NODAL: variants seen among roughly 807,000 people sequenced by gnomAD.
NODAL encodes the protein nodal homolog.
Under a neutral mutation model 34.0 loss-of-function variants are expected in NODAL, and 12 were observed. The observed-to-expected ratio is 0.35, with a 90% confidence interval of 0.23 to 0.57. NODAL has a LOEUF of 0.57. NODAL is among the 20% of genes least tolerant of loss of function. The pLI is 0.83. For missense variants in NODAL, 390 were observed against 444.2 expected (o/e 0.88, Z 1.10); for synonymous variants, 162 against 186.4 (o/e 0.87, Z 1.07).
At chr10:70,441,767 A>C, upstream of NODAL, 1 of 1,280,694 alleles carries the variant, frequency 7.8e-7, no homozygotes, top group African/African-American at 1.5e-5. Context: ...GGAAGCTTTA[A>C]GATCATATAA....
At position 70,441,444 on chromosome 10, in the gene NODAL, C is replaced by T. The variant is rs569500966; in HGVS notation, c.193+31G>A. 4 of 1,552,318 alleles carry T rather than the reference C, an allele frequency of 2.6e-6. No homozygotes were observed. The Middle Eastern group carries it at 5.6e-4, about 217-fold the overall frequency. ...CGCGGCGGAGGCGCCCCGGGGGTGC[C>T]CAGCAGGGCGCGGCACGCGGCACTG... On this transcript the variant is annotated intron_variant, in intron 1 of 2. Coordinates refer to ENST00000287139, the MANE Select transcript of NODAL (RefSeq NM_018055.5).
chr10:70,437,612 A>G (rs2087843222), intron 1 of NODAL, among the ~76,000 whole-genome samples: 1 of 152,208 alleles, frequency 6.6e-6, no homozygotes, highest in African/African-American at 2.4e-5. Flanking sequence ...ATTAGAAATA[A>G]GACAGGGCAT....
At chr10:70,444,432 T>C (rs1439476709), upstream of NODAL, among the ~76,000 whole-genome samples, 1 of 151,728 alleles carries the variant, frequency 6.6e-6, no homozygotes, top group Non-Finnish European at 1.5e-5. Flanking sequence ...TGGGTTCAAG[T>C]GATTCTCCTG....
rs146471900 is a variant in NODAL at position 70,441,543 on chromosome 10, G to T, written c.125C>A (p.Ala42Glu). 6.3e-7 allele frequency: 1 copy of T among 1,593,044 alleles called. No homozygotes were observed. Among genetic ancestry groups the T allele is most frequent in the Non-Finnish European group, 8.5e-7 (1 of 1,171,318 alleles). Residue 42 changes from alanine (A) to glutamate (E), a missense_variant, in exon 1 of 3, where the codon GCG (alanine) becomes GAG (glutamate). Physicochemically the swap from Ala to Glu is moderately radical, Grantham distance 107 (BLOSUM62 -1). Transcript: ENST00000287139. ...GTCGCGGTAGAGGCTCAGCATGTAC[G>T]CCAGAGGGGATGGCGACGAGGGCTG... is the stretch of plus-strand genomic sequence containing the variant. ...RGQPSSPSPL[A>E]YMLSLYRDPL...
Position 70,434,857 on chromosome 10 carries a change from T to C in NODAL, c.891+429A>G, listed in dbSNP as rs79204637. 4.2e-3 allele frequency: 851 copies of C among 200,576 alleles called. 3 individuals carry two copies. Among genetic ancestry groups the C allele is most frequent in the African/African-American group, 0.019 (802 of 43,000 alleles). 12.4% of individuals were successfully genotyped at this position (200,576 alleles called of 1,614,324 possible). On this transcript the variant is annotated intron_variant, in intron 2 of 2. Transcript: ENST00000287139. ...GAAATATGGCATTGCCCTCCTCATC[T>C]TACAGGTGGAAAAACTGAAGCTTGA...
At position 70,436,823 on chromosome 10, in the gene NODAL, C is replaced by T. The variant is rs1845363108; in HGVS notation, c.194-840G>A. On this transcript the variant is annotated intron_variant, in intron 1 of 2. Transcript: ENST00000287139. Reference sequence around the variant, plus strand: ...ACACACCTGGGGCACACAGCAATCACATGCACCCAGAAGCTTCCAGAAGGC... The same window carrying T: ...ACACACCTGGGGCACACAGCAATCATATGCACCCAGAAGCTTCCAGAAGGC... 3.3e-5 allele frequency among the ~76,000 whole-genome samples: 5 copies of T among 152,304 alleles called. No homozygotes were observed. The South Asian group carries it at 8.3e-4, about 25-fold the overall frequency.
rs113832309 is a variant in NODAL at position 70,437,322 on chromosome 10, C to T, written c.194-1339G>A. On this transcript the variant is annotated intron_variant, in intron 1 of 2. Coordinates refer to ENST00000287139, the MANE Select transcript of NODAL (RefSeq NM_018055.5). The stretch of plus-strand genomic sequence containing the variant: ...CCGGGTGTGGTGGCTCACGCCTAAT[C>T]CCAGCTACTCAGGAAGGCTGAGGCA... Among the ~76,000 whole-genome samples the T allele has an allele frequency of 4.8e-3, 725 of 152,318 alleles. 6 individuals carry two copies. The highest frequency in any genetic ancestry group is 8.8e-3 in the Non-Finnish European group (600 of 68,036).
rs368748141 is a variant in NODAL, at chr10:70,435,622, G to C, written c.555C>G (p.Pro185=). The change falls in exon 2 of 3, where the codon CCC becomes CCG. Residue 185 remains proline, a synonymous_variant. Transcript: ENST00000287139. ...GGAGCACATTGGTGGCAGGCGGTGT[G>C]GGGGGCCGCGGCCAGCACTCTCCAG... The part of the protein sequence containing the change: ...RVAGECWPRP[P]TPPATNVLLM... 3.7e-5 allele frequency: 60 copies of C among 1,613,906 alleles called. 3 individuals carry two copies. In the South Asian group the frequency reaches 6.3e-4, roughly 17 times the overall value.
At chr10:70,433,958 T>C (rs897069338) in intron 2 of NODAL, among the ~76,000 whole-genome samples, 3 of 152,072 alleles carry the variant, frequency 2.0e-5, no homozygotes, top group African/African-American at 7.2e-5. Flanking sequence ...TCTGGGTCTT[T>C]GTGGTGCTCC....
At position 70,441,340 on chromosome 10, in the gene NODAL, C is replaced by T. The variant is rs538979417; in HGVS notation, c.193+135G>A. On this transcript the variant is annotated intron_variant, in intron 1 of 2. Coordinates refer to ENST00000287139, the MANE Select transcript of NODAL (RefSeq NM_018055.5). ...CACCCGCAGAGCTAGGCCCTGGGCT[C>T]GGGACGCCCGGGCGGCTGCAAACCC... is the stretch of plus-strand genomic sequence containing the variant. 2.8e-4 allele frequency: 266 copies of T among 945,070 alleles called. No homozygotes were observed. In the African/African-American group the frequency reaches 3.5e-3, roughly 12 times the overall value. The allele number at this position is 945,070 out of a possible 1,614,324, so 58.5% of individuals were successfully genotyped here.
At chr10:70,441,115 C>G (rs1424608647) in intron 1 of NODAL, among the ~76,000 whole-genome samples, 1 of 152,260 alleles carries the variant, frequency 6.6e-6, no homozygotes, top group Non-Finnish European at 1.5e-5. Context: ...CAGACCCAGG[C>G]TCCGGGATAA....
chr10:70,446,792 G>A (rs1176781960), intron 1 of NODAL, among the ~76,000 whole-genome samples: 1 of 152,172 alleles, frequency 6.6e-6, no homozygotes, highest in Non-Finnish European at 1.5e-5. Flanking sequence ...TAAGCTTTGT[G>A]AGGGTGGAGA....
At chr10:70,441,739 C>G (rs774551754), upstream of NODAL, 15 of 1,465,974 alleles carry the variant, frequency 1.0e-5, no homozygotes, top group South Asian at 1.2e-5. Context: ...GCCCCGCCCC[C>G]ACCTTTCCTC....
In NODAL at chr10:70,435,760, G is replaced by A. The variant is rs764201898; in HGVS notation, c.417C>T (p.Val139=). The change falls in exon 2 of 3, where the codon GTC becomes GTT. Residue 139 remains valine (V), a synonymous_variant. Coordinates refer to ENST00000287139, the MANE Select transcript of NODAL (RefSeq NM_018055.5). ...AGGAAAAGGTGACCTGGGACAAAGT[G>A]ACAGTGAATAGGTCCATCTGAAACC... ...LERFQMDLFT[V]TLSQVTFSLG... The A allele has an allele frequency of 2.3e-5, 37 of 1,614,188 alleles. 1 individual carries two copies. The South Asian group carries it at 3.0e-4, about 13-fold the overall frequency.
At chr10:70,437,410 T>C (rs369009495) in intron 1 of NODAL, among the ~76,000 whole-genome samples, 29 of 152,234 alleles carry the variant, frequency 1.9e-4, no homozygotes, top group South Asian at 1.9e-3. Flanking sequence ...CACTGAACTC[T>C]AGCCTGGGCA....
chr10:70,436,020 T>G, intron 1 of NODAL, 37 bp from the exon 2 acceptor site: 1 of 1,562,906 alleles, frequency 6.4e-7, no homozygotes, highest in Non-Finnish European at 8.8e-7. Flanking sequence ...GGAGGGTGAG[T>G]GAGGGCCTCC....
chr10:70,447,663 G>GA (rs55741632), intron 1 of NODAL, among the ~76,000 whole-genome samples: 139,483 of 144,498 alleles, frequency 0.97, 67,465 homozygotes, highest in South Asian at 1. Context: ...CCTGTCTCAG[G>GA]AAAAAAAAAA....
chr10:70,442,527 G>T (rs946740823), upstream of NODAL, among the ~76,000 whole-genome samples: 24 of 152,172 alleles, frequency 1.6e-4, no homozygotes, highest in African/African-American at 5.8e-4. Context: ...GATCTTGTCT[G>T]GCCTCCTCCC....
At chr10:70,436,188 T>G in intron 1 of NODAL, 1 of 614,604 alleles carries the variant, frequency 1.6e-6, no homozygotes, top group South Asian at 1.8e-5. Context: ...GGTTAAAAGA[T>G]CTGACCAAGG....
Sources: allele counts gnomAD v4.1 joint callset (sites outside exome capture counted in the v4.1 genomes callset), GRCh38; gene constraint gnomAD v4.1.1; transcripts MANE v1.5; gene names NCBI Gene and HGNC (gene_info 2026-07-23, HGNC 2026-07-21).